Variants in CSMD1 observed in about 807,000 individuals in gnomAD.
CSMD1 encodes CUB and sushi domain-containing protein 1.
CSMD1 carries 213 observed loss-of-function variants against 417.5 expected under a neutral mutation model. The ratio of observed to expected loss-of-function variants is 0.51; its 90% confidence interval spans 0.46 to 0.57. CSMD1 has a LOEUF of 0.57. Ranked by LOEUF, CSMD1 falls within the 20% of genes least tolerant of loss-of-function variation. The probability of loss-of-function intolerance (pLI) is 0.00; values close to 1 mark genes in which losing one functional copy is unlikely to be tolerated. For missense variants in CSMD1, 6,923 were observed against 4,529.7 expected (o/e 1.53, Z -15.17); for synonymous variants, 2,862 against 1,736.8 (o/e 1.65, Z -16.11).
intron 1 of CSMD1, among the ~76,000 whole-genome samples, chr8:4,985,250 A>G (rs780608262): frequency 2.6e-5 from 4 of 152,212 alleles, no homozygotes; most frequent in Non-Finnish European, 5.9e-5. Context: ...TAGGAAAAGT[A>G]ACTAATGGAT....
At chr8:3,635,291 T>C (rs1487901399) in intron 7 of CSMD1, among the ~76,000 whole-genome samples, 1 of 151,924 alleles carries the variant, frequency 6.6e-6, no homozygotes, top group African/African-American at 2.4e-5. Context: ...CCGGCCAAGA[T>C]GGCAAAACCC....
chr8:4,223,365 C>T (rs1004166489), intron 3 of CSMD1, among the ~76,000 whole-genome samples: 23 of 152,266 alleles, frequency 1.5e-4, no homozygotes, highest in Non-Finnish European at 2.6e-4. Flanking sequence ...TACCTGTAGT[C>T]CATCCATCAA....
At chr8:3,159,065 C>A (rs917529405) in intron 38 of CSMD1, among the ~76,000 whole-genome samples, 1 of 152,108 alleles carries the variant, frequency 6.6e-6, no homozygotes, top group Non-Finnish European at 1.5e-5. Flanking sequence ...AGAAGATACT[C>A]CAGGTAATTT....
chr8:4,774,939 C>T (rs1796773209), intron 1 of CSMD1, among the ~76,000 whole-genome samples: 2 of 152,174 alleles, frequency 1.3e-5, no homozygotes, highest in East Asian at 3.8e-4. Flanking sequence ...CTCTGTACAG[C>T]CTGCAAAACC....
intron 42 of CSMD1, among the ~76,000 whole-genome samples, chr8:3,113,722 A>G (rs928222190): frequency 6.6e-6 from 1 of 152,214 alleles, no homozygotes; most frequent in Non-Finnish European, 1.5e-5. Context: ...AGTTATGGGT[A>G]TATGTGACTG....
At chr8:4,339,584 T>A (rs1036663036) in intron 3 of CSMD1, among the ~76,000 whole-genome samples, 1 of 152,138 alleles carries the variant, frequency 6.6e-6, no homozygotes, top group African/African-American at 2.4e-5. Flanking sequence ...GTTTATTTCA[T>A]CGTGCAAAGA....
At chr8:3,622,630 G>C (rs1318921203) in intron 7 of CSMD1, among the ~76,000 whole-genome samples, 2 of 152,218 alleles carry the variant, frequency 1.3e-5, no homozygotes, top group Admixed American at 1.3e-4. Flanking sequence ...TGAATGGATT[G>C]CAGATGGTAG....
rs551205460 is a variant in CSMD1 at position 4,179,327 on chromosome 8, G to A, written c.416-147228C>T. ...AACCTGACAAAACCAAGCAATGGGG[G>A]AAGGATTCCCTATTTAATAAATGGT... is the stretch of plus-strand genomic sequence containing the variant. On this transcript the variant is annotated intron_variant, in intron 3 of 69. Transcript: ENST00000635120. Among the ~76,000 whole-genome samples, 8 of 152,224 alleles carry A rather than the reference G, an allele frequency of 5.3e-5. No homozygotes were observed. In the South Asian group the frequency reaches 1.2e-3, roughly 24 times the overall value.
chr8:3,118,901 C>G (rs115138114), intron 41 of CSMD1, among the ~76,000 whole-genome samples: 55 of 152,278 alleles, frequency 3.6e-4, no homozygotes, highest in African/African-American at 1.3e-3. Context: ...GTAATACAGG[C>G]TGGGAGCGGT....
intron 50 of CSMD1, among the ~76,000 whole-genome samples, chr8:3,033,733 T>C (rs967955250): frequency 3.9e-5 from 6 of 152,170 alleles, no homozygotes; most frequent in African/African-American, 1.4e-4. Context: ...AACCTGTATG[T>C]TCTGCACATG....
At chr8:3,726,429 G>T (rs143788996) in intron 6 of CSMD1, among the ~76,000 whole-genome samples, 3 of 152,320 alleles carry the variant, frequency 2.0e-5, no homozygotes, top group South Asian at 4.1e-4. Context: ...AATGAGATTG[G>T]TGACAAGGAC....
At chr8:4,224,131 G>C (rs1394478) in intron 3 of CSMD1, among the ~76,000 whole-genome samples, 1 of 152,190 alleles carries the variant, frequency 6.6e-6, no homozygotes, top group Admixed American at 6.5e-5. Context: ...ATACCATGAG[G>C]ACACTTAACT....
chr8:3,351,502 T>C (rs1456766222), intron 21 of CSMD1, among the ~76,000 whole-genome samples: 2 of 151,196 alleles, frequency 1.3e-5, no homozygotes, highest in Non-Finnish European at 2.9e-5. Flanking sequence ...TCCCAGCTAC[T>C]TCGGAGGCTG....
intron 12 of CSMD1, among the ~76,000 whole-genome samples, chr8:3,432,675 C>A (rs1266803516): frequency 6.6e-6 from 1 of 152,044 alleles, no homozygotes; most frequent in East Asian, 1.9e-4. Flanking sequence ...GCCACCACAC[C>A]CAGCTAATTT....
chr8:3,592,764 A>C (rs1012105077), intron 8 of CSMD1, among the ~76,000 whole-genome samples: 1 of 151,994 alleles, frequency 6.6e-6, no homozygotes. Context: ...AACTCTGAGG[A>C]CTTTTGTCCT....
At chr8:3,571,871 G>A (rs1228099089) in intron 10 of CSMD1, among the ~76,000 whole-genome samples, 1 of 152,106 alleles carries the variant, frequency 6.6e-6, no homozygotes, top group African/African-American at 2.4e-5. Flanking sequence ...GTCTCCTTCT[G>A]GAAACCTTTT....
chr8:3,501,878 G>C (rs1353715728), intron 10 of CSMD1, among the ~76,000 whole-genome samples: 1 of 152,080 alleles, frequency 6.6e-6, no homozygotes, highest in Non-Finnish European at 1.5e-5. Flanking sequence ...TTAATGATAA[G>C]GAGACAAACT....
intron 2 of CSMD1, among the ~76,000 whole-genome samples, chr8:4,458,768 AATAAG>A (rs1799636215): frequency 6.6e-6 from 1 of 152,182 alleles, no homozygotes; most frequent in African/African-American, 2.4e-5. Flanking sequence ...TTATGCATTG[AATAAG>A]ATAACGGTTA....
intron 3 of CSMD1, among the ~76,000 whole-genome samples, chr8:4,329,885 CTCTT>C (rs1799772436): frequency 6.6e-6 from 1 of 151,868 alleles, no homozygotes; most frequent in Admixed American, 6.6e-5. Context: ...GACACACACA[CTCTT>C]TCTCTCTTGT....
Sources: allele counts gnomAD v4.1 joint callset (sites outside exome capture counted in the v4.1 genomes callset), GRCh38; gene constraint gnomAD v4.1.1; transcripts MANE v1.5; gene names NCBI Gene and HGNC (gene_info 2026-07-23, HGNC 2026-07-21).